LRRK1: variants seen among roughly 807,000 people sequenced by gnomAD.
The protein encoded by LRRK1 is leucine rich repeat kinase 1, also known as leucine-rich repeat serine/threonine-protein kinase 1.
In LRRK1, 113 loss-of-function variants were observed where a neutral mutation model predicts 209.1. The observed-to-expected ratio is 0.54, with a 90% CI of 0.46 to 0.63. The LOEUF (loss-of-function observed/expected upper bound fraction) is 0.63. Ranked by LOEUF, LRRK1 falls within the 30% of genes least tolerant of loss-of-function variation. LRRK1 has a pLI of 0.00. For missense variants in LRRK1, 2,284 were observed against 2,632.2 expected, an observed-to-expected ratio of 0.87 and a Z score of 2.89; for synonymous variants, 1,144 against 1,099.7, an observed-to-expected ratio of 1.04 and a Z score of -0.80.
intron 1 of LRRK1, chr15:100,920,148 G>A (rs1022539685): frequency 6.5e-6 from 1 of 153,098 alleles, no homozygotes; most frequent in African/African-American, 2.4e-5. Flanking sequence ...CGGGGTCAGC[G>A]AGGAGACGCT....
chr15:101,009,300 T>C (rs1596267081), intron 7 of LRRK1, among the ~76,000 whole-genome samples: 1 of 152,254 alleles, frequency 6.6e-6, no homozygotes, highest in Non-Finnish European at 1.5e-5. Context: ...TGCGAATGCT[T>C]GCCTGAGATG....
intron 2 of LRRK1, among the ~76,000 whole-genome samples, chr15:100,925,101 G>C (rs989000844): frequency 6.6e-6 from 1 of 151,960 alleles, no homozygotes; most frequent in Non-Finnish European, 1.5e-5. Flanking sequence ...CCAGAATCCC[G>C]CTATCTCAAA....
intron 2 of LRRK1, among the ~76,000 whole-genome samples, chr15:100,960,277 CT>C (rs3031656): frequency 0.026 from 2,999 of 116,700 alleles, 107 homozygotes; most frequent in African/African-American, 0.091. Flanking sequence ...GTTCATATTG[CT>C]TTTTTTTTTT....
Position 101,075,167 on chromosome 15 carries a change from C to T in LRRK1, c.*6319C>T, listed in dbSNP as rs1232310798. 2 of 51,104 alleles carry T rather than the reference C, an allele frequency of 3.9e-5. 1 individual carries two copies. Among genetic ancestry groups the T allele is most frequent in the Non-Finnish European group, 7.9e-5 (2 of 25,200 alleles). 3.2% of individuals were successfully genotyped at this position (51,104 alleles called of 1,614,324 possible). On this transcript the variant is annotated 3_prime_UTR_variant, in exon 34 of 34. Coordinates refer to ENST00000388948, the MANE Select transcript of LRRK1 (RefSeq NM_024652.6). Reference sequence around the variant, plus strand: ...TCTTTTCAAGGGCCTGTTTCCCTTACCTCCATAACTGTTGTGCGTATTGAC... The same window carrying T: ...TCTTTTCAAGGGCCTGTTTCCCTTATCTCCATAACTGTTGTGCGTATTGAC...
intron 2 of LRRK1, among the ~76,000 whole-genome samples, chr15:100,930,517 C>G (rs1339963468): frequency 6.6e-6 from 1 of 152,222 alleles, no homozygotes; most frequent in Admixed American, 6.5e-5. Context: ...GTCCTCACCC[C>G]CTCCCTGGCC....
chr15:100,935,844 C>T (rs2042290009), intron 2 of LRRK1, among the ~76,000 whole-genome samples: 2 of 152,210 alleles, frequency 1.3e-5, no homozygotes, highest in South Asian at 4.1e-4. Flanking sequence ...ATGTCTGGCC[C>T]CTCCGTGCTC....
In LRRK1 at chr15:101,062,570, G is replaced by A. The variant is rs778056073; in HGVS notation, c.4798-4G>A. 38 of 1,602,658 alleles carry A rather than the reference G, an allele frequency of 2.4e-5. No homozygotes were observed. Among genetic ancestry groups the A allele is most frequent in the Middle Eastern group, 1.6e-4 (1 of 6,062 alleles). Reference sequence around the variant, plus strand: ...TCTCACAGTGGACCTGTCTGCCTCTGCAGGACCAGAAAATCTACATCTACA... The same window carrying A: ...TCTCACAGTGGACCTGTCTGCCTCTACAGGACCAGAAAATCTACATCTACA... On this transcript the variant is annotated splice_region_variant and splice_polypyrimidine_tract_variant and intron_variant, in intron 30 of 33. Transcript: ENST00000388948.
intron 12 of LRRK1, among the ~76,000 whole-genome samples, chr15:101,017,750 T>G (rs765838535): frequency 2.0e-5 from 3 of 152,028 alleles, no homozygotes; most frequent in Non-Finnish European, 4.4e-5. Flanking sequence ...CGGTCCGTGG[T>G]GCCAAAAAGG....
Position 101,049,741 on chromosome 15 carries a change from A to G in LRRK1, c.3397A>G (p.Ile1133Val). 3.1e-6 allele frequency: 5 copies of G among 1,614,124 alleles called. No homozygotes were observed. The highest frequency in any genetic ancestry group is 4.2e-6 in the Non-Finnish European group (5 of 1,179,974). ...EVRDFSAMAFITDHVNSLIDQ... is the reference protein window; with the variant it reads ...EVRDFSAMAFVTDHVNSLIDQ... ...GAGGGACTTCTCAGCCATGGCTTTC[A>G]TCACGGACCACGTCAATTCCTTGAT... Residue 1133 changes from isoleucine to valine, a missense_variant, in exon 23 of 34, where the codon ATC becomes GTC. Ile to Val is a conservative substitution (Grantham distance 29). Transcript: ENST00000388948.
intron 20 of LRRK1, among the ~76,000 whole-genome samples, chr15:101,040,603 C>A (rs771632146): frequency 1.1e-4 from 17 of 152,082 alleles, no homozygotes; most frequent in Non-Finnish European, 2.2e-4. Context: ...AAGGTAGAAG[C>A]TTAGGTCATT....
In LRRK1 at chr15:101,070,334, T is replaced by C. The variant is rs796597379; in HGVS notation, c.*1486T>C. ...TTTTTTTTTTTTTTTTTTTTTTTTT[T>C]ACCAACCTGGGCACCAAGTCCCAGG... On this transcript the variant is annotated 3_prime_UTR_variant, in exon 34 of 34. Transcript: ENST00000388948. 56 of 139,068 alleles carry C rather than the reference T, an allele frequency of 4.0e-4. No homozygotes were observed. Among genetic ancestry groups the C allele is most frequent in the Admixed American group, 6.5e-4 (9 of 13,950 alleles). 8.6% of individuals were successfully genotyped at this position (139,068 alleles called of 1,614,324 possible). A position where few individuals can be genotyped will look rare whatever the true frequency, so the allele number is the denominator to read the frequency against.
chr15:100,961,383 G>A (rs183305372), intron 2 of LRRK1, among the ~76,000 whole-genome samples: 3 of 152,112 alleles, frequency 2.0e-5, no homozygotes, highest in Non-Finnish European at 1.5e-5. Context: ...GGCTGGGCGC[G>A]GTGGCTCACG....
chr15:101,065,137 T>C, intron 31 of LRRK1: 1 of 601,860 alleles, frequency 1.7e-6, no homozygotes, highest in Admixed American at 3.0e-5. Context: ...TTCCTTTCTT[T>C]GCTGCAGGGA....
In LRRK1 at chr15:101,067,866, G is replaced by T. The variant is rs28514828; in HGVS notation, c.5871-805G>T. ...GCATACCTGCCATTAATGTCCTAAC[G>T]TTTAGCTGTTGTTTTTCTCCTATTC... On this transcript the variant is annotated intron_variant, in intron 33 of 33. Coordinates refer to ENST00000388948, the MANE Select transcript of LRRK1 (RefSeq NM_024652.6). Among the ~76,000 whole-genome samples, 1,338 of 152,366 alleles carry T rather than the reference G, an allele frequency of 8.8e-3. 14 individuals are homozygous for T. The highest frequency in any genetic ancestry group is 0.031 in the African/African-American group (1,279 of 41,588).
intron 20 of LRRK1, among the ~76,000 whole-genome samples, chr15:101,042,513 C>T (rs2034814636): frequency 6.6e-6 from 1 of 152,094 alleles, no homozygotes; most frequent in African/African-American, 2.4e-5. Context: ...TCCGAGAGCT[C>T]TGCCACCATC....
Position 101,065,716 on chromosome 15 carries a change from C to A in LRRK1, c.5279C>A (p.Ser1760Tyr), listed in dbSNP as rs770946839. Residue 1760 changes from serine (S) to tyrosine (Y), a missense_variant, in exon 32 of 34, where the codon TCC (serine) becomes TAC (tyrosine). Coordinates refer to ENST00000388948, the MANE Select transcript of LRRK1 (RefSeq NM_024652.6). ...VVWCLDDKAN[S>Y]LVMYHSTTYQ... ...TGGTGCCTGGATGACAAGGCCAACT[C>A]CTTGGTGATGTACCACTCCACCACC... 6.2e-7 allele frequency: 1 copy of A among 1,614,140 alleles called. No individual in the cohort carries two copies. The highest frequency in any genetic ancestry group is 8.5e-7 in the Non-Finnish European group (1 of 1,180,020).
At chr15:100,923,202 A>G (rs1171522170) in intron 1 of LRRK1, among the ~76,000 whole-genome samples, 1 of 152,190 alleles carries the variant, frequency 6.6e-6, no homozygotes, top group African/African-American at 2.4e-5. Context: ...GAATTCACAC[A>G]GTAACCCCAC....
intron 7 of LRRK1, 95 bp downstream of exon 7, chr15:101,009,158 G>A (rs927834712): frequency 5.0e-6 from 5 of 1,008,050 alleles, no homozygotes; most frequent in Non-Finnish European, 7.4e-6. Flanking sequence ...TGGTTTTGGG[G>A]GAAAAATGTT....
chr15:101,050,417 G>A (rs1012136984), intron 23 of LRRK1, among the ~76,000 whole-genome samples: 3 of 152,192 alleles, frequency 2.0e-5, no homozygotes, highest in African/African-American at 7.2e-5. Context: ...GCCAGGGGGA[G>A]GCCATCTGGG....
Sources: gnomAD v4.1 joint callset for allele counts (sites outside exome capture counted in the v4.1 genomes callset) on GRCh38, gnomAD v4.1.1 for gene constraint, MANE v1.5 for transcripts, NCBI Gene and HGNC (gene_info 2026-07-23, HGNC 2026-07-21) for gene names.